Variants in TTN observed in about 807,000 individuals in gnomAD.
TTN encodes the protein connectin.
Under a neutral mutation model 3,223.0 loss-of-function variants are expected in TTN, and 1,525 were observed. The observed-to-expected ratio is 0.47, with a 90% confidence interval of 0.45 to 0.49. The LOEUF (loss-of-function observed/expected upper bound fraction) is 0.49, where lower values mean the gene tolerates loss of function less well. Ranked by LOEUF, TTN falls within the 20% of genes least tolerant of loss-of-function variation. The probability of loss-of-function intolerance (pLI) is 0.00; values close to 1 mark genes in which losing one functional copy is unlikely to be tolerated. For synonymous variants in TTN, 14,094 were observed against 15,161.0 expected, an observed-to-expected ratio of 0.93 and a Z score of 5.17; for missense variants, 40,786 against 43,424.0, an observed-to-expected ratio of 0.94 and a Z score of 5.40.
At chr2:178,711,479 T>C in intron 96 of TTN, 130 bp from the exon 97 acceptor site, 3 of 1,101,984 alleles carry the variant, frequency 2.7e-6, no homozygotes, top group Non-Finnish European at 3.7e-6. Flanking sequence ...TCTCTTGAAT[T>C]AACTTGGAGA....
chr2:178,567,701 A>G lies in TTN; in HGVS notation c.78431T>C (p.Ile26144Thr), dbSNP rs183015944. ...RWMKASFTNV[I>T]ETQFTVSGLT... is the part of the protein sequence containing the mutation. Reference sequence around the variant, plus strand: ...ACCTGACACAGTAAATTGAGTTTCAATGACATTTGTAAAGCTAGCTTTCAT... The same window carrying G: ...ACCTGACACAGTAAATTGAGTTTCAGTGACATTTGTAAAGCTAGCTTTCAT... The change falls in exon 326 of 363, where the codon ATT becomes ACT. Residue 26144 changes from isoleucine (I) to threonine (T), a missense_variant. Physicochemically the swap from Ile to Thr is moderately conservative, Grantham distance 89. Transcript: ENST00000589042. The G allele has an allele frequency of 6.2e-5, 100 of 1,611,852 alleles. 2 individuals carry two copies. The highest frequency in any genetic ancestry group is 5.7e-4 in the South Asian group (52 of 91,006).
rs761542135 is a variant in TTN at position 178,723,704 on chromosome 2, G to C, written c.21404-8C>G. ...TCACAAAAGAGGGTGGTTCTATATA[G>C]ACATGGAGAACAATTAAAAGATCCT... is the stretch of plus-strand genomic sequence containing the variant. On this transcript the variant is annotated splice_region_variant and splice_polypyrimidine_tract_variant and intron_variant, in intron 73 of 362. Transcript: ENST00000589042. 5.0e-5 allele frequency: 78 copies of C among 1,549,800 alleles called. No individual in the cohort carries two copies. Among genetic ancestry groups the C allele is most frequent in the Middle Eastern group, 1.7e-4 (1 of 5,748 alleles).
intron 151 of TTN, among the ~76,000 whole-genome samples, chr2:178,674,044 G>A (rs547213846): frequency 1.3e-5 from 2 of 151,722 alleles, no homozygotes; most frequent in African/African-American, 4.8e-5. Context: ...TTGAAATCTA[G>A]GAGAAACTAT....
At chr2:178,673,477 A>G (rs1185703117) in intron 152 of TTN, among the ~76,000 whole-genome samples, 156 bp downstream of exon 152, 1 of 151,842 alleles carries the variant, frequency 6.6e-6, no homozygotes, top group Non-Finnish European at 1.5e-5. Flanking sequence ...ACATCCTAGA[A>G]AAGATTAAAG....
rs542171381 is a variant in TTN, at chr2:178,551,064, C to T, written c.91467G>A (p.Gly30489=). 1.2e-6 allele frequency: 2 copies of T among 1,613,246 alleles called. No individual in the cohort carries two copies. Among genetic ancestry groups the T allele is most frequent in the Non-Finnish European group, 1.7e-6 (2 of 1,179,574 alleles). ...CAATTATTCTGAACTCATAGCGATC[C>T]CCAGGACTGAGTCCTGTAACTGTGT... is the stretch of plus-strand genomic sequence containing the variant. ...CQYTVTGLSP[G]DRYEFRIIAR... Residue 30489 remains glycine (G), a synonymous_variant, in exon 336 of 363, where the codon GGG becomes GGA. Transcript: ENST00000589042.
chr2:178,648,845 T>C (rs1308080399), intron 213 of TTN, among the ~76,000 whole-genome samples: 1 of 152,210 alleles, frequency 6.6e-6, no homozygotes, highest in East Asian at 1.9e-4. Context: ...TCACTTGCTA[T>C]GTGTAATCAC....
rs72647866 is a variant in TTN, at chr2:178,782,729, G to T, written c.3100+77C>A. 3,622 of 1,609,802 alleles carry T rather than the reference G, an allele frequency of 2.2e-3. 7 individuals are homozygous for T. The highest frequency in any genetic ancestry group is 7.6e-3 in the Middle Eastern group (35 of 4,582). ...AAGGGACATCATTTCAAGGTGCACA[G>T]AAACCATATTGTGGAAAAGAGTGTC... On this transcript the variant is annotated intron_variant, in intron 18 of 362. Coordinates refer to ENST00000589042, the MANE Select transcript of TTN (RefSeq NM_001267550.2).
chr2:178,779,709 C>T (rs2092593208), intron 22 of TTN: 1 of 533,394 alleles, frequency 1.9e-6, no homozygotes, highest in Non-Finnish European at 3.3e-6. Flanking sequence ...GCTTATCACA[C>T]AGATGAAGAG....
intron 24 of TTN, 171 bp from the exon 25 acceptor site, chr2:178,778,146 C>A: frequency 1.2e-6 from 1 of 851,878 alleles, no homozygotes; most frequent in Non-Finnish European, 1.8e-6. Flanking sequence ...ATTGTTGCCC[C>A]CACAACTATG....
intron 47 of TTN, chr2:178,745,968 C>G (rs72648915): frequency 3.1e-6 from 5 of 1,610,676 alleles, no homozygotes; most frequent in Non-Finnish European, 8.5e-7. Context: ...TTTGCTATCA[C>G]AGCAAATATT....
At position 178,589,832 on chromosome 2, in the gene TTN, G is replaced by A. The variant is rs940775890; in HGVS notation, c.61893C>T (p.Asn20631=). 3 of 1,613,486 alleles carry A rather than the reference G, an allele frequency of 1.9e-6. No homozygotes were observed. The highest frequency in any genetic ancestry group is 4.5e-5 in the East Asian group (2 of 44,776). ...SDVTKRLIKA[N]LLANNEYYFR... is the part of the protein sequence containing the mutation. Reference sequence around the variant, plus strand: ...AATAGTATTCATTGTTGGCTAAAAGGTTGGCCTTGATTAATCGTTTAGTGA... The same window carrying A: ...AATAGTATTCATTGTTGGCTAAAAGATTGGCCTTGATTAATCGTTTAGTGA... Residue 20631 remains asparagine (N), a synonymous_variant, in exon 304 of 363, where the codon AAC becomes AAT. Transcript: ENST00000589042.
At position 178,740,005 on chromosome 2, in the gene TTN, C is replaced by G; in HGVS notation, c.13228G>C (p.Glu4410Gln). 6.2e-7 allele frequency: 1 copy of G among 1,613,856 alleles called. No homozygotes were observed. The highest frequency in any genetic ancestry group is 1.3e-5 in the African/African-American group (1 of 75,034). ...CACTCAGAGAAAAGACCTGGCTGCTCGCTGGCCACGGCTGCTTGCAAAGCC... is the reference window on the plus strand; with the variant it reads ...CACTCAGAGAAAAGACCTGGCTGCTGGCTGGCCACGGCTGCTTGCAAAGCC... ...CRALQAAVASEQPGLFSEWLR... is the reference protein window; with the variant it reads ...CRALQAAVASQQPGLFSEWLR... The change falls in exon 48 of 363, where the codon GAG becomes CAG. Residue 4410 changes from glutamate to glutamine, a missense_variant. By Grantham distance (29) the Glu-to-Gln change is conservative. Coordinates refer to ENST00000589042, the MANE Select transcript of TTN (RefSeq NM_001267550.2).
In TTN at chr2:178,727,677, T is replaced by C. The variant is rs2079599735; in HGVS notation, c.19901A>G (p.Tyr6634Cys). Residue 6634 changes from tyrosine to cysteine, a missense_variant, in exon 68 of 363, where the codon TAC (tyrosine) becomes TGC (cysteine). Tyr to Cys is a radical substitution (Grantham distance 194, BLOSUM62 -2). Coordinates refer to ENST00000589042, the MANE Select transcript of TTN (RefSeq NM_001267550.2). ...LEGSTSFLNL[Y>C]SVDASKTGQY... ...TCCAGTCTTAGAAGCATCCACTGAG[T>C]AGAGATTTAAGAAGCTAGTCGACCC... 7 of 1,612,926 alleles carry C rather than the reference T, an allele frequency of 4.3e-6. No homozygotes were observed. Among genetic ancestry groups the C allele is most frequent in the African/African-American group, 1.3e-5 (1 of 74,790 alleles).
chr2:178,751,483 G>A lies in TTN; in HGVS notation c.11311+1641C>T, dbSNP rs140804168. ...CATCTTGTTTTTTGTTAAAGGGAGA[G>A]CCAGTAAACCTCAGGTCAACCTTTA... On this transcript the variant is annotated intron_variant, in intron 47 of 362. Transcript: ENST00000589042. The A allele has an allele frequency of 1.5e-3, 2,410 of 1,613,234 alleles. 2 individuals are homozygous for A. The highest frequency in any genetic ancestry group is 4.9e-3 in the Admixed American group (291 of 59,924).
intron 127 of TTN, among the ~76,000 whole-genome samples, chr2:178,686,207 G>A (rs1217296905): frequency 3.1e-5 from 4 of 127,338 alleles, no homozygotes; most frequent in South Asian, 2.8e-4. Context: ...TGCAAGCTCC[G>A]CCTCCCGGGT....
intron 47 of TTN, chr2:178,749,009 T>C (rs778940775): frequency 6.2e-7 from 1 of 1,612,544 alleles, no homozygotes; most frequent in East Asian, 2.2e-5. Context: ...ATGTAATTTT[T>C]CAAATTCGAT....
chr2:178,794,410 C>T lies in TTN; in HGVS notation c.1387G>A (p.Ala463Thr), dbSNP rs1206198656. Residue 463 changes from alanine to threonine, a missense_variant, in exon 8 of 363, where the codon GCT becomes ACT. Coordinates refer to ENST00000589042, the MANE Select transcript of TTN (RefSeq NM_001267550.2). The stretch of plus-strand genomic sequence containing the variant: ...AGCCTCGCACGTACCTGTTCTTGAG[C>T]AGGTTGGATGTGCACAGCAGTCGTG... ...TTTTAVHIQP[A>T]QEQVRKEAEK... is the part of the protein sequence containing the mutation. 1 of 1,614,168 alleles carries T rather than the reference C, an allele frequency of 6.2e-7. No homozygotes were observed. The highest frequency in any genetic ancestry group is 1.3e-5 in the African/African-American group (1 of 75,054).
In TTN at chr2:178,632,287, A is replaced by G. The variant is rs1405325105; in HGVS notation, c.43607T>C (p.Leu14536Pro). ...RVKWFKNDQRLHTTRSVSMQD... is the reference protein window; with the variant it reads ...RVKWFKNDQRPHTTRSVSMQD... ...CATTGAGACCGACCTGGTGGTGTGT[A>G]GGCGCTGGTCATTCTTGAACCATTT... is the stretch of plus-strand genomic sequence containing the variant. The change falls in exon 236 of 363, where the codon CTA (leucine) becomes CCA (proline). Residue 14536 changes from leucine (L) to proline (P), a missense_variant. Coordinates refer to ENST00000589042, the MANE Select transcript of TTN (RefSeq NM_001267550.2). The G allele has an allele frequency of 6.2e-7, 1 of 1,609,822 alleles. No homozygotes were observed.
chr2:178,530,822 A>G lies in TTN; in HGVS notation c.105793T>C (p.Ser35265Pro). The part of the protein sequence containing the change: ...SPEPSHPKAV[S>P]PTETKPTPTE... ...GGTGTTGGTTTTGTCTCTGTGGGTG[A>G]TACGGCTTTCGGGTGAGAAGGTTCT... The change falls in exon 358 of 363, where the codon TCA (serine) becomes CCA (proline). Residue 35265 changes from serine (S) to proline (P), a missense_variant. Physicochemically the swap from Ser to Pro is moderately conservative, Grantham distance 74. Coordinates refer to ENST00000589042, the MANE Select transcript of TTN (RefSeq NM_001267550.2). The G allele has an allele frequency of 6.2e-7, 1 of 1,613,376 alleles. No individual in the cohort carries two copies. The highest frequency in any genetic ancestry group is 1.1e-5 in the South Asian group (1 of 91,024).
Sources: allele counts gnomAD v4.1 joint callset (sites outside exome capture counted in the v4.1 genomes callset), GRCh38; gene constraint gnomAD v4.1.1; transcripts MANE v1.5; gene names NCBI Gene and HGNC (gene_info 2026-07-23, HGNC 2026-07-21).